The following GRID2 variants were observed in gnomAD, a reference collection of about 807,000 sequenced individuals.
The protein encoded by GRID2 is glutamate ionotropic receptor delta type subunit 2.
Under a neutral mutation model 114.8 loss-of-function variants are expected in GRID2, and 33 were observed. The observed-to-expected ratio is 0.29, with a 90% CI of 0.22 to 0.38. GRID2 has a LOEUF of 0.38. Among genes scored for constraint, GRID2 ranks in the 10% least tolerant of loss-of-function variants. The probability of loss-of-function intolerance (pLI) is 1.00; values close to 1 mark genes in which losing one functional copy is unlikely to be tolerated. For synonymous variants in GRID2, 505 were observed against 449.9 expected (o/e 1.12, Z -1.55); for missense variants, 1,184 against 1,257.7 (o/e 0.94, Z 0.89).
At chr4:93,533,076 T>A (rs1305908268) in intron 13 of GRID2, among the ~76,000 whole-genome samples, 1 of 152,184 alleles carries the variant, frequency 6.6e-6, no homozygotes, top group African/African-American at 2.4e-5. Flanking sequence ...TCTCTATTAG[T>A]CATCCAGCAA....
intron 4 of GRID2, among the ~76,000 whole-genome samples, chr4:93,135,904 G>A (rs2149380500): frequency 6.6e-6 from 1 of 152,218 alleles, no homozygotes; most frequent in South Asian, 2.1e-4. Flanking sequence ...TGGATCAAAT[G>A]ACAATGAACT....
intron 2 of GRID2, among the ~76,000 whole-genome samples, chr4:93,044,928 G>T (rs1159936094): frequency 4.6e-5 from 7 of 152,098 alleles, no homozygotes; most frequent in East Asian, 1.9e-4. Flanking sequence ...ACTCAGAAAA[G>T]ATTTTAATTA....
chr4:93,110,697 C>A, intron 3 of GRID2, 51 bp from the exon 4 acceptor site: 1 of 1,191,668 alleles, frequency 8.4e-7, no homozygotes, highest in South Asian at 1.2e-5. Flanking sequence ...CTTATGCCTT[C>A]CTTCTGTACA....
At chr4:93,416,723 A>C (rs1767747735) in intron 9 of GRID2, among the ~76,000 whole-genome samples, 1 of 152,114 alleles carries the variant, frequency 6.6e-6, no homozygotes, top group African/African-American at 2.4e-5. Flanking sequence ...TTGTAAATCA[A>C]CTAAGCATTT....
At chr4:92,750,734 A>G (rs1259683673) in intron 2 of GRID2, among the ~76,000 whole-genome samples, 1 of 152,210 alleles carries the variant, frequency 6.6e-6, no homozygotes, top group Non-Finnish European at 1.5e-5. Flanking sequence ...TGCCTTATCA[A>G]CTATTAGTTG....
At chr4:93,211,718 T>C (rs78559377) in intron 5 of GRID2, among the ~76,000 whole-genome samples, 3,409 of 152,286 alleles carry the variant, frequency 0.022, 135 homozygotes, top group African/African-American at 0.077. Flanking sequence ...CCACACTGCC[T>C]AGCCTCTTAA....
chr4:92,476,127 AC>A (rs1722302070), intron 1 of GRID2, among the ~76,000 whole-genome samples: 1 of 148,354 alleles, frequency 6.7e-6, no homozygotes, highest in South Asian at 2.1e-4. Context: ...CCGTGTTCAC[AC>A]CATTCTCCTG....
At chr4:93,626,814 T>G (rs1391602897) in intron 14 of GRID2, among the ~76,000 whole-genome samples, 1 of 152,144 alleles carries the variant, frequency 6.6e-6, no homozygotes, top group Non-Finnish European at 1.5e-5. Flanking sequence ...TACAAAAGCA[T>G]AACATAAACT....
At chr4:93,350,135 G>C (rs1047740220) in intron 8 of GRID2, among the ~76,000 whole-genome samples, 19 of 152,050 alleles carry the variant, frequency 1.2e-4, no homozygotes, top group African/African-American at 4.6e-4. Context: ...CTGCTGAGCT[G>C]TCAGCAAAAA....
At chr4:92,449,676 G>GATAGATATATATATATAT (rs1553936045) in intron 1 of GRID2, among the ~76,000 whole-genome samples, 1 of 96,764 alleles carries the variant, frequency 1.0e-5, no homozygotes, top group Admixed American at 1.1e-4. Flanking sequence ...TTTTCTTACT[G>GATAGATATATATATATAT]ATATATATAT....
At chr4:93,321,936 AT>A (rs1371837653) in intron 8 of GRID2, among the ~76,000 whole-genome samples, 2 of 151,788 alleles carry the variant, frequency 1.3e-5, no homozygotes, top group Non-Finnish European at 2.9e-5. Flanking sequence ...CTTAAATATT[AT>A]TTTTATATAA....
At chr4:92,481,579 C>G (rs959734100) in intron 1 of GRID2, among the ~76,000 whole-genome samples, 1 of 151,972 alleles carries the variant, frequency 6.6e-6, no homozygotes, top group African/African-American at 2.4e-5. Flanking sequence ...TGTTTTTGTA[C>G]TAGCATCATA....
intron 2 of GRID2, among the ~76,000 whole-genome samples, chr4:93,038,626 T>TA (rs952236205): frequency 2.0e-5 from 3 of 151,720 alleles, no homozygotes; most frequent in Non-Finnish European, 4.4e-5. Context: ...CTGTCTCTAC[T>TA]AAAAAATACA....
At chr4:93,373,693 A>G (rs1214143270) in intron 8 of GRID2, among the ~76,000 whole-genome samples, 1 of 152,170 alleles carries the variant, frequency 6.6e-6, no homozygotes, top group Non-Finnish European at 1.5e-5. Flanking sequence ...TGAAGCCTTA[A>G]TACCTAAAGC....
intron 2 of GRID2, among the ~76,000 whole-genome samples, chr4:92,728,786 A>C (rs1041137025): frequency 6.6e-6 from 1 of 151,986 alleles, no homozygotes; most frequent in African/African-American, 2.4e-5. Context: ...GCTTATCATA[A>C]TGTTGAAACA....
chr4:92,787,696 A>G (rs909496451), intron 2 of GRID2, among the ~76,000 whole-genome samples: 4 of 151,950 alleles, frequency 2.6e-5, no homozygotes, highest in African/African-American at 9.7e-5. Context: ...GTACATAATT[A>G]TTACATTCTA....
chr4:93,461,286 C>T (rs1905723), intron 11 of GRID2, among the ~76,000 whole-genome samples: 105,704 of 151,954 alleles, frequency 0.7, 37,219 homozygotes, highest in African/African-American at 0.81. Flanking sequence ...CATTAAAAGA[C>T]ACTGAGAGCA....
rs373472441 is a variant in GRID2, at chr4:93,488,555, T to C, written c.1859-2084T>C. The stretch of plus-strand genomic sequence containing the variant: ...TGATAGAACTACATGAAAGTAGTAT[T>C]GTATCTCTTTATTTCCACCGTGAGT... On this transcript the variant is annotated intron_variant, in intron 11 of 15. Transcript: ENST00000282020. Among the ~76,000 whole-genome samples the C allele has an allele frequency of 7.9e-5, 12 of 151,984 alleles. No homozygotes were observed. In the South Asian group the frequency reaches 8.3e-4, roughly 10 times the overall value.
intron 3 of GRID2, among the ~76,000 whole-genome samples, chr4:93,107,910 T>C (rs1041180427): frequency 1.6e-4 from 24 of 152,250 alleles, no homozygotes; most frequent in African/African-American, 4.8e-4. Context: ...TTCAATAGAT[T>C]AAAGCTGTAT....
Sources: gnomAD v4.1 joint callset for allele counts (sites outside exome capture counted in the v4.1 genomes callset) on GRCh38, gnomAD v4.1.1 for gene constraint, MANE v1.5 for transcripts, NCBI Gene and HGNC (gene_info 2026-07-23, HGNC 2026-07-21) for gene names.